FCRL6: variants seen among roughly 807,000 people sequenced by gnomAD.
FCRL6 encodes Fc receptor like 6, also known as Fc receptor-like protein 6.
FCRL6 carries 50 observed loss-of-function variants against 49.1 expected under a neutral mutation model. The observed-to-expected ratio is 1.02, with a 90% CI of 0.81 to 1.29. The LOEUF is 1.29. FCRL6 is among the 50% of genes most tolerant of loss of function. The pLI, the probability that FCRL6 is intolerant of heterozygous loss-of-function variation, is 0.00. For missense variants in FCRL6, 571 were observed against 518.5 expected, an observed-to-expected ratio of 1.10 and a Z score of -0.98; for synonymous variants, 213 against 199.6, an observed-to-expected ratio of 1.07 and a Z score of -0.57.
intron 7 of FCRL6, 129 bp downstream of exon 7, chr1:159,813,683 C>T (rs1248119012): frequency 1.5e-5 from 12 of 784,854 alleles, no homozygotes; most frequent in East Asian, 2.7e-5. Context: ...GGAAAACAAA[C>T]AGCTTCTAGA....
At chr1:159,810,522 G>T (rs1246355043) in intron 6 of FCRL6, among the ~76,000 whole-genome samples, 2 of 151,820 alleles carry the variant, frequency 1.3e-5, no homozygotes, top group African/African-American at 2.4e-5. Flanking sequence ...CAAACGTGAG[G>T]TATGTCAGTA....
Position 159,810,148 on chromosome 1 carries a change from C to G in FCRL6, c.941C>G (p.Ala314Gly), listed in dbSNP as rs199656181. ...ASNWLVPWLPASLLGLMVIAA... is the reference protein window; with the variant it reads ...ASNWLVPWLPGSLLGLMVIAA... ...AACTGGCTGGTTCCTTGGCTTCCTG[C>G]GAGCCTGCTTGGCCTGATGGTTATT... Residue 314 changes from alanine (A) to glycine (G), a missense_variant, in exon 6 of 10, where the codon GCG becomes GGG. Coordinates refer to ENST00000368106, the MANE Select transcript of FCRL6 (RefSeq NM_001004310.3). 1 of 1,613,836 alleles carries G rather than the reference C, an allele frequency of 6.2e-7. No homozygotes were observed. Among genetic ancestry groups the G allele is most frequent in the Non-Finnish European group, 8.5e-7 (1 of 1,179,952 alleles).
intron 2 of FCRL6, among the ~76,000 whole-genome samples, chr1:159,807,378 A>C (rs1662760306): frequency 6.6e-6 from 1 of 152,176 alleles, no homozygotes; most frequent in African/African-American, 2.4e-5. Flanking sequence ...CTGGCTTATC[A>C]AAGAGATGAT....
At chr1:159,815,327 C>T (rs912844626) in intron 8 of FCRL6, 101 bp from the exon 9 acceptor site, 20 of 1,341,810 alleles carry the variant, frequency 1.5e-5, no homozygotes, top group Admixed American at 2.2e-5. Context: ...GGCTGGCTTC[C>T]CTGGCTTTCT....
chr1:159,808,237 C>A lies in FCRL6; in HGVS notation c.112C>A (p.Arg38=), dbSNP rs759578511. ...PVFEGDALTL[R]CQGWKNTPLS... is the part of the protein sequence containing the mutation. ...GTTTGAAGGAGATGCCCTGACTCTG[C>A]GATGTCAGGGATGGAAGAATACACC... The change falls in exon 3 of 10, where the codon CGA becomes AGA. Residue 38 remains arginine (R), a synonymous_variant. Coordinates refer to ENST00000368106, the MANE Select transcript of FCRL6 (RefSeq NM_001004310.3). The A allele has an allele frequency of 1.2e-6, 2 of 1,613,596 alleles. No homozygotes were observed. The highest frequency in any genetic ancestry group is 1.7e-6 in the Non-Finnish European group (2 of 1,179,510).
chr1:159,813,060 A>G (rs1274458645), intron 6 of FCRL6, among the ~76,000 whole-genome samples: 1 of 152,220 alleles, frequency 6.6e-6, no homozygotes, highest in African/African-American at 2.4e-5. Context: ...AGAATTAGGA[A>G]GAGAGGTGTT....
At chr1:159,814,967 C>T (rs1032666199) in intron 8 of FCRL6, among the ~76,000 whole-genome samples, 2 of 152,210 alleles carry the variant, frequency 1.3e-5, no homozygotes, top group East Asian at 3.8e-4. Flanking sequence ...GCCTGCTTTG[C>T]AGGACTACTG....
chr1:159,807,869 A>G (rs892550664), intron 2 of FCRL6, among the ~76,000 whole-genome samples: 6 of 150,004 alleles, frequency 4.0e-5, no homozygotes, highest in African/African-American at 1.5e-4. Flanking sequence ...ATATAAAAGA[A>G]GACAAGGAGG....
At position 159,802,471 on chromosome 1, in the gene FCRL6, T is replaced by C. The variant is rs747261170; in HGVS notation, c.31+16T>C. The C allele has an allele frequency of 1.9e-6, 3 of 1,610,792 alleles. 1 individual carries two copies. Among genetic ancestry groups the C allele is most frequent in the South Asian group, 2.2e-5 (2 of 90,806 alleles). On this transcript the variant is annotated intron_variant, in intron 1 of 9. Transcript: ENST00000368106. ...CTGCTCTTTGGTAAGTCAACGAGCA[T>C]GGGCATCCCCTCTTGGAGCACTAAG...
At chr1:159,806,534 C>A (rs964598614) in intron 1 of FCRL6, 62 bp from the exon 2 acceptor site, 4 of 1,459,290 alleles carry the variant, frequency 2.7e-6, no homozygotes, top group Admixed American at 3.3e-5. Flanking sequence ...AAGTGACAGG[C>A]CTCCTTGTCA....
At chr1:159,813,416 C>T (rs1351949990) in intron 6 of FCRL6, 73 bp from the exon 7 acceptor site, 44 of 1,364,088 alleles carry the variant, frequency 3.2e-5, no homozygotes, top group Non-Finnish European at 4.2e-5. Context: ...CATTCTTGCT[C>T]ACAGCTTTCC....
At chr1:159,810,395 C>T (rs1259224622) in intron 6 of FCRL6, among the ~76,000 whole-genome samples, 179 bp downstream of exon 6, 1 of 152,170 alleles carries the variant, frequency 6.6e-6, no homozygotes, top group Non-Finnish European at 1.5e-5. Context: ...TTAATGCTTC[C>T]AAAACATATA....
intron 1 of FCRL6, among the ~76,000 whole-genome samples, chr1:159,804,793 A>G (rs74124721): frequency 0.039 from 5,927 of 152,268 alleles, 114 homozygotes; most frequent in East Asian, 0.092. Context: ...CTGTTTGTTT[A>G]GCACTTTGTA....
chr1:159,807,167 T>C (rs2101740579), intron 2 of FCRL6, among the ~76,000 whole-genome samples: 1 of 152,348 alleles, frequency 6.6e-6, no homozygotes, highest in South Asian at 2.1e-4. Context: ...TACTTAGTGC[T>C]GTTAGAAAAA....
chr1:159,806,767 T>C (rs910014826), intron 2 of FCRL6, 151 bp downstream of exon 2: 33 of 827,908 alleles, frequency 4.0e-5, no homozygotes, highest in Non-Finnish European at 6.0e-5. Context: ...GGCCAGTTCC[T>C]AGGAAAAGGA....
chr1:159,809,147 G>GA lies in FCRL6; in HGVS notation c.507dup (p.Ala170SerfsTer12). Reference sequence around the variant, plus strand: ...CCTCACCCAGAACTCTGCATCCCGGGAGCCAAGGAGGGAGACTCTGGGCTT... The same window carrying GA: ...CCTCACCCAGAACTCTGCATCCCGGGAAGCCAAGGAGGGAGACTCTGGGCTT... On this transcript the variant is annotated frameshift_variant, in exon 4 of 10. Coordinates refer to ENST00000368106, the MANE Select transcript of FCRL6 (RefSeq NM_001004310.3). LOFTEE classifies it high-confidence loss of function. The GA allele has an allele frequency of 6.2e-7, 1 of 1,613,986 alleles. No homozygotes were observed. Among genetic ancestry groups the GA allele is most frequent in the East Asian group, 2.2e-5 (1 of 44,876 alleles).
chr1:159,809,099 G>T lies in FCRL6; in HGVS notation c.458G>T (p.Gly153Val). ...CTCCTTTTCTCCTTCCACAAGGACG[G>T]CCACACCTTGCAGGACAGGGGCCCT... Reference protein sequence around the residue: ...LRLLFSFHKDGHTLQDRGPHP... With the variant: ...LRLLFSFHKDVHTLQDRGPHP... Residue 153 changes from glycine to valine, a missense_variant, in exon 4 of 10, where the codon GGC becomes GTC. By Grantham distance (109) the Gly-to-Val change is moderately radical (BLOSUM62 -3). Coordinates refer to ENST00000368106, the MANE Select transcript of FCRL6 (RefSeq NM_001004310.3). 1.2e-6 allele frequency: 2 copies of T among 1,614,094 alleles called. No homozygotes were observed. Among genetic ancestry groups the T allele is most frequent in the South Asian group, 2.2e-5 (2 of 91,082 alleles).
Position 159,815,447 on chromosome 1 carries a change from CGTGGGGAGAAAGGTGAGCT to C in FCRL6, c.1169_1179+8del, listed in dbSNP as rs753061933. On this transcript the variant is annotated splice_donor_variant and splice_donor_5th_base_variant and coding_sequence_variant and intron_variant, in exon 9 of 10. Transcript: ENST00000368106. LOFTEE classifies it high-confidence loss of function. ...CCACAGCCAGGTCTGCTGAGTTCAC[CGTGGGGAGAAAGGTGAGCT>C]GGGATCCCTGCTCCTTTCTCACCCT... is the stretch of plus-strand genomic sequence containing the variant. The C allele has an allele frequency of 1.5e-5, 24 of 1,614,088 alleles. No homozygotes were observed. Among genetic ancestry groups the C allele is most frequent in the Middle Eastern group, 1.6e-4 (1 of 6,062 alleles).
intron 2 of FCRL6, among the ~76,000 whole-genome samples, chr1:159,807,391 A>G (rs1662761648): frequency 6.7e-6 from 1 of 149,684 alleles, no homozygotes; most frequent in Non-Finnish European, 1.5e-5. Context: ...GAGATGATAC[A>G]GGCTGGGGAC....
Sources: gnomAD v4.1 joint callset for allele counts (sites outside exome capture counted in the v4.1 genomes callset) on GRCh38, gnomAD v4.1.1 for gene constraint, MANE v1.5 for transcripts, NCBI Gene and HGNC (gene_info 2026-07-23, HGNC 2026-07-21) for gene names.